BCLAF1: variants seen among roughly 807,000 people sequenced by gnomAD.
BCLAF1 encodes the protein bcl-2-associated transcription factor 1.
A neutral mutation model predicts 99.5 loss-of-function variants in BCLAF1; 10 were observed. The observed-to-expected ratio is 0.10, with a 90% CI of 0.06 to 0.17. The LOEUF is 0.17. Among genes scored for constraint, BCLAF1 ranks in the 10% least tolerant of loss-of-function variants. The pLI, the probability that BCLAF1 is intolerant of heterozygous loss-of-function variation, is 1.00. For missense variants in BCLAF1, 636 were observed against 1,105.8 expected (o/e 0.58, Z 6.02); for synonymous variants, 255 against 370.9 (o/e 0.69, Z 3.59).
chr6:136,270,457 A>G (rs1782352348), intron 8 of BCLAF1: 1 of 151,884 alleles, frequency 6.6e-6, no homozygotes, highest in South Asian at 2.1e-4. Flanking sequence ...TTCAACAATA[A>G]GTAGTATTTA....
chr6:136,261,236 T>C lies in BCLAF1; in HGVS notation c.2757+29A>G, dbSNP rs375440569. On this transcript the variant is annotated intron_variant, in intron 12 of 12. Coordinates refer to ENST00000531224, the MANE Select transcript of BCLAF1 (RefSeq NM_014739.3). ...CACCAAACCTATATCAAAAAAAATC[T>C]GTCAGAATCACAAGTTGAAATTTTA... 1.2e-5 allele frequency: 20 copies of C among 1,602,664 alleles called. No homozygotes were observed. In the African/African-American group the frequency reaches 2.0e-4, roughly 16 times the overall value.
At chr6:136,262,523 A>T (rs1781147985) in intron 11 of BCLAF1, among the ~76,000 whole-genome samples, 1 of 152,216 alleles carries the variant, frequency 6.6e-6, no homozygotes, top group South Asian at 2.1e-4. Flanking sequence ...AACCCCCTTC[A>T]TGACTTGAAA....
At chr6:136,287,801 G>A (rs1785352190) in intron 1 of BCLAF1, among the ~76,000 whole-genome samples, 1 of 152,198 alleles carries the variant, frequency 6.6e-6, no homozygotes, top group Admixed American at 6.5e-5. Flanking sequence ...TGGGCCAGGC[G>A]AGTGGATCAC....
At position 136,257,378 on chromosome 6, in the gene BCLAF1, A is replaced by T. The variant is rs759640301; in HGVS notation, c.*3732T>A. ...TAACATAAAAAGAACTGGTACCCTTAATTAAATGTACAAGTTTGGTCTCAT... is the reference window on the plus strand; with the variant it reads ...TAACATAAAAAGAACTGGTACCCTTTATTAAATGTACAAGTTTGGTCTCAT... On this transcript the variant is annotated 3_prime_UTR_variant, in exon 13 of 13. Coordinates refer to ENST00000531224, the MANE Select transcript of BCLAF1 (RefSeq NM_014739.3). The T allele has an allele frequency of 6.6e-6, 1 of 152,196 alleles. No individual in the cohort carries two copies. The highest frequency in any genetic ancestry group is 1.5e-5 in the Non-Finnish European group (1 of 68,026). 9.4% of individuals were successfully genotyped at this position (152,196 alleles called of 1,614,324 possible). A position where few individuals can be genotyped will look rare whatever the true frequency, so the allele number is the denominator to read the frequency against.
At chr6:136,261,600 AAC>A in intron 11 of BCLAF1, 123 bp from the exon 12 acceptor site, 1 of 973,784 alleles carries the variant, frequency 1.0e-6, no homozygotes. Flanking sequence ...AATATTCTAA[AAC>A]ACAATAAAAC....
Position 136,266,099 on chromosome 6 carries a change from A to G in BCLAF1, c.2544+930T>C, listed in dbSNP as rs766190262. On this transcript the variant is annotated intron_variant, in intron 11 of 12. Coordinates refer to ENST00000531224, the MANE Select transcript of BCLAF1 (RefSeq NM_014739.3). ...TGCCAAAAAAGAGGCAAATGGAAAT[A>G]TATTTTTGAAACATATATAGTTTTT... Among the ~76,000 whole-genome samples, 6 of 152,226 alleles carry G rather than the reference A, an allele frequency of 3.9e-5. No individual in the cohort carries two copies. The South Asian group carries it at 1.2e-3, about 32-fold the overall frequency.
intron 5 of BCLAF1, 28 bp from the exon 6 acceptor site, chr6:136,275,729 C>T: frequency 1.9e-6 from 3 of 1,567,348 alleles, no homozygotes; most frequent in Non-Finnish European, 2.6e-6. Flanking sequence ...CACACACACA[C>T]ACAAAATATA....
rs1361794293 is a variant in BCLAF1 at position 136,260,487 on chromosome 6, CT to C, written c.*622del. On this transcript the variant is annotated 3_prime_UTR_variant, in exon 13 of 13. Transcript: ENST00000531224. ...CAGTAAAAATAACATTTTCTCAAAA[CT>C]TTTCAATCTGATTTTTAATAGCTTG... 6.6e-6 allele frequency: 1 copy of C among 152,210 alleles called. No individual in the cohort carries two copies. The highest frequency in any genetic ancestry group is 1.5e-5 in the Non-Finnish European group (1 of 67,890). The allele number at this position is 152,210 out of a possible 1,614,324, so 9.4% of individuals were successfully genotyped here.
Position 136,269,457 on chromosome 6 carries a change from G to A in BCLAF1, c.2199C>T (p.Tyr733=). 6.2e-7 allele frequency: 1 copy of A among 1,608,680 alleles called. No individual in the cohort carries two copies. Among genetic ancestry groups the A allele is most frequent in the East Asian group, 2.2e-5 (1 of 44,808 alleles). The change falls in exon 9 of 13, where the codon TAC becomes TAT. Residue 733 remains tyrosine (Y), a synonymous_variant. Transcript: ENST00000531224. ...QEKTPKDYKE[Y]KSYKDDSKHK... ...ATTACCTGTCATCTTTGTAAGATTT[G>A]TATTCCTTGTAATCTTTTGGAGTTT...
intron 1 of BCLAF1, among the ~76,000 whole-genome samples, chr6:136,286,933 A>T (rs1310495210): frequency 6.6e-6 from 1 of 152,078 alleles, no homozygotes; most frequent in Admixed American, 6.5e-5. Flanking sequence ...ATGCCACTGC[A>T]CTCCAGCCTG....
At position 136,257,291 on chromosome 6, in the gene BCLAF1, CTAA is replaced by C. The variant is rs1205301049; in HGVS notation, c.*3816_*3818del. The C allele has an allele frequency of 6.6e-6, 1 of 152,078 alleles. No individual in the cohort carries two copies. The highest frequency in any genetic ancestry group is 1.5e-5 in the Non-Finnish European group (1 of 67,988). 9.4% of individuals were successfully genotyped at this position (152,078 alleles called of 1,614,324 possible). The stretch of plus-strand genomic sequence containing the variant: ...TTTCTAGTTGTGGTGGAATGCTATC[CTAA>C]TAATGCCTGTTCTCTTTAATCAGTG... On this transcript the variant is annotated 3_prime_UTR_variant, in exon 13 of 13. Coordinates refer to ENST00000531224, the MANE Select transcript of BCLAF1 (RefSeq NM_014739.3).
intron 6 of BCLAF1, among the ~76,000 whole-genome samples, chr6:136,275,085 ATTTC>A (rs1783078855): frequency 1.3e-5 from 2 of 152,048 alleles, no homozygotes; most frequent in African/African-American, 2.4e-5. Context: ...ACCATTTCAG[ATTTC>A]TTTAAAAGTT....
At chr6:136,279,707 T>C in intron 3 of BCLAF1, 56 bp downstream of exon 3, 2 of 1,395,308 alleles carry the variant, frequency 1.4e-6, no homozygotes, top group East Asian at 2.7e-5. Context: ...ACGATACTCA[T>C]TCAACAAGTA....
At chr6:136,275,064 AGT>A (rs1295752364) in intron 6 of BCLAF1, among the ~76,000 whole-genome samples, 5 of 151,434 alleles carry the variant, frequency 3.3e-5, no homozygotes, top group Admixed American at 6.6e-5. Context: ...GCGCAAAAAA[AGT>A]GTTTTTCCAC....
intron 1 of BCLAF1, among the ~76,000 whole-genome samples, chr6:136,283,992 A>G (rs965763564): frequency 1.3e-5 from 2 of 151,904 alleles, no homozygotes; most frequent in African/African-American, 2.4e-5. Context: ...TACTGTCATA[A>G]AACTATTCTG....
At chr6:136,262,125 A>T (rs1781092087) in intron 11 of BCLAF1, among the ~76,000 whole-genome samples, 1 of 152,160 alleles carries the variant, frequency 6.6e-6, no homozygotes, top group Non-Finnish European at 1.5e-5. Context: ...CCCAGCTTTA[A>T]CCATTAATTG....
intron 6 of BCLAF1, 142 bp downstream of exon 6, chr6:136,275,390 T>C (rs1208679810): frequency 2.6e-6 from 2 of 779,840 alleles, no homozygotes; most frequent in Non-Finnish European, 3.7e-6. Flanking sequence ...CTCTCTTCTA[T>C]GAAACTACTT....
At position 136,278,783 on chromosome 6, in the gene BCLAF1, A is replaced by G; in HGVS notation, c.105-7T>C. The G allele has an allele frequency of 6.7e-7, 1 of 1,500,314 alleles. No homozygotes were observed. The highest frequency in any genetic ancestry group is 8.9e-7 in the Non-Finnish European group (1 of 1,127,710). 92.9% of individuals were successfully genotyped at this position (1,500,314 alleles called of 1,614,324 possible). On this transcript the variant is annotated splice_region_variant and splice_polypyrimidine_tract_variant and intron_variant, in intron 3 of 12. Transcript: ENST00000531224. Reference sequence around the variant, plus strand: ...TCTGGAACGAGACCTAGAACTAAAAATGAAATAAATATCAATGCAAGAAAA... The same window carrying G: ...TCTGGAACGAGACCTAGAACTAAAAGTGAAATAAATATCAATGCAAGAAAA...
intron 8 of BCLAF1, among the ~76,000 whole-genome samples, chr6:136,271,521 C>T (rs1236415104): frequency 3.3e-5 from 5 of 151,840 alleles, no homozygotes; most frequent in South Asian, 2.1e-4. Flanking sequence ...TTGTTCCAAA[C>T]GTTCATTTGT....
Sources: allele counts gnomAD v4.1 joint callset (sites outside exome capture counted in the v4.1 genomes callset), GRCh38; gene constraint gnomAD v4.1.1; transcripts MANE v1.5; gene names NCBI Gene and HGNC (gene_info 2026-07-23, HGNC 2026-07-21).